The following TMX2 variants were observed in gnomAD, a reference collection of about 807,000 sequenced individuals.
The protein encoded by TMX2 is thioredoxin-related transmembrane protein 2.
In TMX2, 20 loss-of-function variants were observed where a neutral mutation model predicts 33.4. That is an observed-to-expected ratio of 0.60 (90% CI 0.42 to 0.87). The LOEUF (loss-of-function observed/expected upper bound fraction) is 0.87. Ranked by LOEUF, TMX2 falls within the 40% of genes least tolerant of loss-of-function variation. The pLI, the probability that TMX2 is intolerant of heterozygous loss-of-function variation, is 0.00. For synonymous variants in TMX2, 166 were observed against 140.7 expected, an observed-to-expected ratio of 1.18 and a Z score of -1.27; for missense variants, 340 against 370.7, an observed-to-expected ratio of 0.92 and a Z score of 0.68.
At chr11:57,733,727 C>A (rs1188101259) in intron 1 of TMX2, among the ~76,000 whole-genome samples, 1 of 152,140 alleles carries the variant, frequency 6.6e-6, no homozygotes, top group African/African-American at 2.4e-5. Flanking sequence ...CTGTATGCTT[C>A]AAATTATCCA....
At chr11:57,736,487 C>T (rs1335258081) in intron 1 of TMX2, among the ~76,000 whole-genome samples, 2 of 152,040 alleles carry the variant, frequency 1.3e-5, no homozygotes, top group Non-Finnish European at 2.9e-5. Flanking sequence ...AACTGTAAGA[C>T]GAGTATTGAA....
chr11:57,740,303 C>G lies in TMX2; in HGVS notation c.*58C>G. On this transcript the variant is annotated 3_prime_UTR_variant, in exon 8 of 8. Coordinates refer to ENST00000278422, the MANE Select transcript of TMX2 (RefSeq NM_015959.4). ...CAATTCCAGGCTCTTTCCATAACCA[C>G]AAGCCTGAGGCTGCAGCCTTTTATT... is the stretch of plus-strand genomic sequence containing the variant. 1 of 1,514,052 alleles carries G rather than the reference C, an allele frequency of 6.6e-7. No individual in the cohort carries two copies. Among genetic ancestry groups the G allele is most frequent in the Non-Finnish European group, 8.8e-7 (1 of 1,133,970 alleles). 93.8% of individuals were successfully genotyped at this position (1,514,052 alleles called of 1,614,324 possible).
chr11:57,734,080 G>A (rs1948580774), intron 1 of TMX2, among the ~76,000 whole-genome samples: 1 of 145,322 alleles, frequency 6.9e-6, no homozygotes, highest in Non-Finnish European at 1.5e-5. Context: ...GCTGAGGCAG[G>A]AGAATGGCGT....
At chr11:57,736,112 T>G (rs941544644) in intron 1 of TMX2, among the ~76,000 whole-genome samples, 5 of 152,162 alleles carry the variant, frequency 3.3e-5, no homozygotes, top group African/African-American at 1.2e-4. Flanking sequence ...TTTTCAAGGT[T>G]TCTCTGGGGT....
intron 7 of TMX2, among the ~76,000 whole-genome samples, chr11:57,739,722 G>A (rs903905161): frequency 4.6e-5 from 7 of 151,782 alleles, no homozygotes; most frequent in Non-Finnish European, 1.0e-4. Context: ...GCACCATTGC[G>A]GTCCAGCCTG....
chr11:57,714,927 A>G (rs1040336611), intron 1 of TMX2, among the ~76,000 whole-genome samples: 2 of 152,156 alleles, frequency 1.3e-5, no homozygotes, highest in African/African-American at 4.8e-5. Context: ...AGTGATTCTA[A>G]GTCAGAAGAG....
chr11:57,713,532 T>C (rs1168724190), intron 1 of TMX2, among the ~76,000 whole-genome samples: 1 of 152,172 alleles, frequency 6.6e-6, no homozygotes, highest in East Asian at 1.9e-4. Flanking sequence ...GAACATAAAC[T>C]TAAAGCACTT....
At chr11:57,734,708 A>C (rs1948632638) in intron 1 of TMX2, among the ~76,000 whole-genome samples, 1 of 152,022 alleles carries the variant, frequency 6.6e-6, no homozygotes, top group Admixed American at 6.6e-5. Flanking sequence ...AGGTTGTGGC[A>C]TTGCACTCCA....
intron 1 of TMX2, among the ~76,000 whole-genome samples, chr11:57,726,141 G>A (rs543531861): frequency 6.6e-6 from 1 of 152,214 alleles, no homozygotes; most frequent in Non-Finnish European, 1.5e-5. Flanking sequence ...TGCCGGGCGT[G>A]GTGGTTCACT....
intron 1 of TMX2, among the ~76,000 whole-genome samples, chr11:57,732,829 G>T (rs1417508969): frequency 6.6e-6 from 1 of 152,060 alleles, no homozygotes; most frequent in Non-Finnish European, 1.5e-5. Context: ...AGCCTGGTGG[G>T]GGGTGGGGTG....
intron 1 of TMX2, among the ~76,000 whole-genome samples, chr11:57,717,028 T>G: frequency 1.6e-5 from 2 of 122,090 alleles, no homozygotes; most frequent in African/African-American, 3.4e-5. Flanking sequence ...CCAGACGGGG[T>G]CGCGGCCGGG....
chr11:57,713,058 T>C (rs1399798538), intron 1 of TMX2, among the ~76,000 whole-genome samples: 2 of 152,224 alleles, frequency 1.3e-5, no homozygotes, highest in East Asian at 3.8e-4. Context: ...AGTCCAGGTT[T>C]CTTTCTGTTT....
intron 1 of TMX2, among the ~76,000 whole-genome samples, chr11:57,719,360 C>G (rs895068534): frequency 1.3e-5 from 2 of 151,164 alleles, no homozygotes; most frequent in Non-Finnish European, 2.9e-5. Context: ...TAAAGGCTTT[C>G]TGCTTTTTCT....
chr11:57,735,336 G>T (rs1314976783), intron 1 of TMX2, among the ~76,000 whole-genome samples: 2 of 151,846 alleles, frequency 1.3e-5, no homozygotes, highest in Non-Finnish European at 2.9e-5. Context: ...AGCCTCCTGA[G>T]TAGCTTTGAT....
intron 1 of TMX2, among the ~76,000 whole-genome samples, chr11:57,727,113 C>T (rs1173826370): frequency 1.3e-5 from 2 of 152,140 alleles, no homozygotes; most frequent in Non-Finnish European, 2.9e-5. Context: ...GGCAAAGGCA[C>T]AGTTAAAGAC....
chr11:57,722,790 A>G (rs935973332), intron 1 of TMX2, among the ~76,000 whole-genome samples: 2 of 152,178 alleles, frequency 1.3e-5, no homozygotes, highest in Non-Finnish European at 2.9e-5. Context: ...AGAAGTTAAG[A>G]TAGTAGAAAC....
rs1005500692 is a variant in TMX2, at chr11:57,739,195, A to G, written c.679A>G (p.Lys227Glu). 5.6e-6 allele frequency: 9 copies of G among 1,613,978 alleles called. No homozygotes were observed. Among genetic ancestry groups the G allele is most frequent in the Non-Finnish European group, 7.6e-6 (9 of 1,180,008 alleles). The part of the protein sequence containing the change: ...LPTLILFQGG[K>E]EAMRRPQIDK... The stretch of plus-strand genomic sequence containing the variant: ...TACCCTGATCCTGTTCCAAGGTGGC[A>G]AGGAGGCAATGCGGCGGCCACAGAT... The change falls in exon 7 of 8, where the codon AAG becomes GAG. Residue 227 changes from lysine to glutamate, a missense_variant. Lys to Glu is a moderately conservative substitution (Grantham distance 56). Transcript: ENST00000278422.
intron 1 of TMX2, among the ~76,000 whole-genome samples, chr11:57,730,552 C>T (rs1054689861): frequency 1.8e-4 from 27 of 147,538 alleles, no homozygotes; most frequent in African/African-American, 6.5e-4. Flanking sequence ...GCCTGGCCAA[C>T]ATGGCAAAAC....
chr11:57,730,106 C>T (rs1363885697), intron 1 of TMX2, among the ~76,000 whole-genome samples: 1 of 140,866 alleles, frequency 7.1e-6, no homozygotes, highest in Non-Finnish European at 1.5e-5. Context: ...TCCGTTTCCC[C>T]CCACAAAAAA....
Sources: allele counts gnomAD v4.1 joint callset (sites outside exome capture counted in the v4.1 genomes callset), GRCh38; gene constraint gnomAD v4.1.1; transcripts MANE v1.5; gene names NCBI Gene and HGNC (gene_info 2026-07-23, HGNC 2026-07-21).